SIDT2: variants seen among roughly 807,000 people sequenced by gnomAD.
The protein encoded by SIDT2 is SID1 transmembrane family member 2.
SIDT2 carries 68 observed loss-of-function variants against 114.4 expected under a neutral mutation model. The ratio of observed to expected loss-of-function variants is 0.59; its 90% CI spans 0.49 to 0.73. The LOEUF (loss-of-function observed/expected upper bound fraction) is 0.73. Among genes scored for constraint, SIDT2 ranks in the 30% least tolerant of loss-of-function variants. The pLI, the probability that SIDT2 is intolerant of heterozygous loss-of-function variation, is 0.00. For synonymous variants in SIDT2, 470 were observed against 438.4 expected (o/e 1.07, Z -0.90); for missense variants, 918 against 1,097.1 (o/e 0.84, Z 2.31).
chr11:117,191,781 C>T, intron 18 of SIDT2, 97 bp from the exon 19 acceptor site: 1 of 1,526,592 alleles, frequency 6.6e-7, no homozygotes, highest in South Asian at 1.3e-5. Flanking sequence ...GGTGGGGCAC[C>T]AGGGCTCTCT....
chr11:117,195,734 G>A, intron 24 of SIDT2, 68 bp from the exon 25 acceptor site: 3 of 1,540,488 alleles, frequency 1.9e-6, no homozygotes, highest in Non-Finnish European at 2.7e-6. Context: ...GAGCAAGATG[G>A]CAGATGGGTC....
chr11:117,192,929 G>C lies in SIDT2; in HGVS notation c.2105+63G>C, dbSNP rs1369318180. The C allele has an allele frequency of 6.3e-7, 1 of 1,599,734 alleles. No homozygotes were observed. Among genetic ancestry groups the C allele is most frequent in the African/African-American group, 1.3e-5 (1 of 74,586 alleles). ...CAGCTGGGGACTCGGTCAGCCACTG[G>C]CTGCCTTGGGGGCTAAGGACAACTT... On this transcript the variant is annotated intron_variant, in intron 22 of 25. Coordinates refer to ENST00000324225, the MANE Select transcript of SIDT2 (RefSeq NM_001040455.2). The surrounding 1 kb of genome is among the most constrained non-coding windows in gnomAD (Gnocchi z 5.9).
Position 117,190,623 on chromosome 11 carries a change from G to T in SIDT2, c.1618G>T (p.Glu540Ter). 1 of 1,574,526 alleles carries T rather than the reference G, an allele frequency of 6.4e-7. No individual in the cohort carries two copies. The highest frequency in any genetic ancestry group is 1.1e-5 in the South Asian group (1 of 87,006). Residue 540 changes from glutamate (E) to a stop codon, truncating the protein, a stop_gained and splice_region_variant, in exon 18 of 26, where the codon GAA (glutamate) becomes TAA (stop). Coordinates refer to ENST00000324225, the MANE Select transcript of SIDT2 (RefSeq NM_001040455.2). LOFTEE classifies it high-confidence loss of function. This position sits in a 1 kb window ranked among gnomAD's most constrained non-coding sequence, Gnocchi z 4.1. Reference protein sequence around the residue: ...ALLRNDLCALECGIPKHFGLF... With the variant: ...ALLRNDLCAL Reference sequence around the variant, plus strand: ...CTTCCCTTCTCTCTCTCCCCAACAGGAATGTGGGATCCCCAAACACTTTGG... The same window carrying T: ...CTTCCCTTCTCTCTCTCCCCAACAGTAATGTGGGATCCCCAAACACTTTGG...
At chr11:117,189,525 TC>T in intron 15 of SIDT2, 124 bp downstream of exon 15, 1 of 1,060,072 alleles carries the variant, frequency 9.4e-7, no homozygotes, top group Non-Finnish European at 1.4e-6. Flanking sequence ...AGCTCTGCCT[TC>T]CCAGCCGAGT....
Position 117,190,805 on chromosome 11 carries a change from T to A in SIDT2, c.1735+65T>A. The A allele has an allele frequency of 7.6e-7, 1 of 1,315,340 alleles. No individual in the cohort carries two copies. The allele number at this position is 1,315,340 out of a possible 1,614,324, so 81.5% of individuals were successfully genotyped here. On this transcript the variant is annotated intron_variant, in intron 18 of 25. Transcript: ENST00000324225. The surrounding 1 kb of genome is among the most constrained non-coding windows in gnomAD (Gnocchi z 4.1). ...AGGGACCTGCCTGAGTCCTTCACTA[T>A]CCCCAAGTCACCCACAGGGATCGCT...
chr11:117,181,429 G>A lies in SIDT2; in HGVS notation c.197G>A (p.Arg66His), dbSNP rs1372289694. Residue 66 changes from arginine (R) to histidine (H), a missense_variant, in exon 2 of 26, where the codon CGT becomes CAT. By Grantham distance (29) the Arg-to-His change is conservative. Transcript: ENST00000324225. ...GTCGTTCTGCAGACAGAGGGCGTGC[G>A]TGTGTCTGTGAACGTCCTGAACAAG... ...TVTRNRTEGVRVSVNVLNKQK... is the reference protein window; with the variant it reads ...TVTRNRTEGVHVSVNVLNKQK... 8.1e-6 allele frequency: 13 copies of A among 1,613,552 alleles called. No individual in the cohort carries two copies. The highest frequency in any genetic ancestry group is 1.1e-5 in the Non-Finnish European group (13 of 1,179,934).
Position 117,192,890 on chromosome 11 carries a change from C to A in SIDT2, c.2105+24C>A. The A allele has an allele frequency of 1.9e-6, 3 of 1,614,054 alleles. No individual in the cohort carries two copies. Among genetic ancestry groups the A allele is most frequent in the Non-Finnish European group, 2.5e-6 (3 of 1,179,998 alleles). On this transcript the variant is annotated intron_variant, in intron 22 of 25. Transcript: ENST00000324225. This position sits in a 1 kb window ranked among gnomAD's most constrained non-coding sequence, Gnocchi z 5.9. ...CTGTGAGTATGGTCAGCAGTAGTGG[C>A]CTGGTTGGGTGGACAGCTGGGGACT...
At chr11:117,193,067 A>G (rs2030761411) in intron 22 of SIDT2, 86 bp from the exon 23 acceptor site, 1 of 1,453,398 alleles carries the variant, frequency 6.9e-7, no homozygotes, top group African/African-American at 1.4e-5. Context: ...GCCCAACATC[A>G]TAATAAAACA....
At chr11:117,183,231 G>C (rs890274968) in intron 6 of SIDT2, among the ~76,000 whole-genome samples, 1 of 151,862 alleles carries the variant, frequency 6.6e-6, no homozygotes, top group African/African-American at 2.4e-5. Flanking sequence ...TGTAATCCCA[G>C]CTACTCGGGA....
intron 15 of SIDT2, 178 bp from the exon 16 acceptor site, chr11:117,189,774 C>G (rs2030634207): frequency 1.6e-6 from 1 of 638,730 alleles, no homozygotes; most frequent in Non-Finnish European, 2.8e-6. Context: ...GAGGGGACAG[C>G]GACTGTGCTG....
rs372248834 is a variant in SIDT2 at position 117,192,746 on chromosome 11, A to T, written c.2059-74A>T. On this transcript the variant is annotated intron_variant, in intron 21 of 25. Transcript: ENST00000324225. The surrounding 1 kb of genome is among the most constrained non-coding windows in gnomAD (Gnocchi z 5.9). ...GCTGAGGACCCAGGGGAGAGTGGGG[A>T]CCAGCTGGCTGGGCCTTCTTCCACC... 6.2e-7 allele frequency: 1 copy of T among 1,610,690 alleles called. No homozygotes were observed. Among genetic ancestry groups the T allele is most frequent in the Non-Finnish European group, 8.5e-7 (1 of 1,177,540 alleles).
chr11:117,179,394 A>G lies in SIDT2; in HGVS notation c.131A>G (p.Asn44Ser), dbSNP rs1475776428. 2.5e-6 allele frequency: 4 copies of G among 1,614,112 alleles called. No individual in the cohort carries two copies. The highest frequency in any genetic ancestry group is 4.5e-5 in the East Asian group (2 of 44,870). ...EFERTYVDEV[N>S]SELVNIYTFN... ...GAGCGCACCTACGTGGACGAGGTCA[A>G]CAGCGAGCTGGTCAACATCTACACC... The change falls in exon 1 of 26, where the codon AAC (asparagine) becomes AGC (serine). Residue 44 changes from asparagine to serine, a missense_variant. Transcript: ENST00000324225.
At chr11:117,181,395 C>T (rs1487535625) in intron 1 of SIDT2, 21 bp from the exon 2 acceptor site, 3 of 1,612,940 alleles carry the variant, frequency 1.9e-6, no homozygotes, top group Non-Finnish European at 1.7e-6. Flanking sequence ...GCTTGAGAGG[C>T]ATTTCCATGT....
chr11:117,179,220 G>A lies in SIDT2; in HGVS notation c.-44G>A. 1 of 1,584,842 alleles carries A rather than the reference G, an allele frequency of 6.3e-7. No homozygotes were observed. The stretch of plus-strand genomic sequence containing the variant: ...CGGAGGTGTCCTGTCTCCTGTCGCC[G>A]CCGCCGCCGCCACCACCGCTGCCAC... On this transcript the variant is annotated 5_prime_UTR_variant, in exon 1 of 26. Transcript: ENST00000324225.
intron 13 of SIDT2, 131 bp from the exon 14 acceptor site, chr11:117,189,038 G>A (rs2030605458): frequency 9.5e-7 from 1 of 1,056,746 alleles, no homozygotes; most frequent in Non-Finnish European, 1.4e-6. Flanking sequence ...CCGCAGCAGT[G>A]GGATGTCCTT....
At position 117,187,406 on chromosome 11, in the gene SIDT2, T is replaced by C; in HGVS notation, c.1044T>C (p.Phe348=). The part of the protein sequence containing the change: ...SGHPRVLADS[F]PGSSPYEGYN... ...ACCCTCGAGTCCTGGCTGATTCTTT[T>C]CCTGGCAGTTCCCCTTATGAGGGTT... The change falls in exon 11 of 26, where the codon TTT becomes TTC. Residue 348 remains phenylalanine (F), a synonymous_variant. Transcript: ENST00000324225. The C allele has an allele frequency of 6.2e-6, 10 of 1,614,090 alleles. No homozygotes were observed. Among genetic ancestry groups the C allele is most frequent in the Non-Finnish European group, 8.5e-6 (10 of 1,180,006 alleles).
intron 3 of SIDT2, 28 bp downstream of exon 3, chr11:117,181,999 G>C (rs554724137): frequency 5.6e-6 from 9 of 1,614,094 alleles, no homozygotes; most frequent in Non-Finnish European, 5.9e-6. Flanking sequence ...AGGGGACCAC[G>C]GGGGCTGGTT....
At chr11:117,193,451 C>G (rs1457237671) in intron 23 of SIDT2, among the ~76,000 whole-genome samples, 193 bp downstream of exon 23, 1 of 152,216 alleles carries the variant, frequency 6.6e-6, no homozygotes, top group Non-Finnish European at 1.5e-5. Flanking sequence ...TGAGCCCCTT[C>G]CAAGGGCCCT....
At chr11:117,186,328 C>T in intron 9 of SIDT2, 105 bp downstream of exon 9, 1 of 1,034,768 alleles carries the variant, frequency 9.7e-7, no homozygotes, top group Admixed American at 1.9e-5. Context: ...TCTACACCAT[C>T]CATAGCAGAT....
Sources: gnomAD v4.1 joint callset for allele counts (sites outside exome capture counted in the v4.1 genomes callset) on GRCh38, gnomAD v4.1.1 for gene constraint, Gnocchi (gnomAD v3.1) non-coding constraint, MANE v1.5 for transcripts, NCBI Gene and HGNC (gene_info 2026-07-23, HGNC 2026-07-21) for gene names.